The following XPR1 variants were observed in gnomAD, a reference collection of about 807,000 sequenced individuals.
XPR1 encodes solute carrier family 53 member 1.
XPR1 carries 28 observed loss-of-function variants against 87.5 expected under a neutral mutation model. That is an observed-to-expected ratio of 0.32 (90% CI 0.24 to 0.44). The LOEUF (loss-of-function observed/expected upper bound fraction) is 0.44. Among genes scored for constraint, XPR1 ranks in the 20% least tolerant of loss-of-function variants. The pLI, the probability that XPR1 is intolerant of heterozygous loss-of-function variation, is 1.00. For synonymous variants in XPR1, 300 were observed against 306.1 expected (o/e 0.98, Z 0.21); for missense variants, 559 against 862.3 (o/e 0.65, Z 4.41).
At chr1:180,774,438 T>A (rs1296669787) in intron 2 of XPR1, among the ~76,000 whole-genome samples, 1 of 141,908 alleles carries the variant, frequency 7.0e-6, no homozygotes, top group African/African-American at 2.7e-5. Context: ...TCGCCCAGGC[T>A]GGAGTGCAGT....
intron 13 of XPR1, among the ~76,000 whole-genome samples, chr1:180,877,186 G>A (rs1177898046): frequency 1.3e-5 from 2 of 152,104 alleles, no homozygotes; most frequent in African/African-American, 4.8e-5. Context: ...AGCCAGTTCT[G>A]TAATTTATAT....
rs76188280 is a variant in XPR1, at chr1:180,677,778, G to A, written c.70-4582G>A. Reference sequence around the variant, plus strand: ...GTTTCAAAGTTGCACTATAAACTACGTTCCTCCCAAAGTGGCACTATAAAC... The same window carrying A: ...GTTTCAAAGTTGCACTATAAACTACATTCCTCCCAAAGTGGCACTATAAAC... On this transcript the variant is annotated intron_variant, in intron 1 of 14. Coordinates refer to ENST00000367590, the MANE Select transcript of XPR1 (RefSeq NM_004736.4). Among the ~76,000 whole-genome samples, 1,400 of 152,238 alleles carry A rather than the reference G, an allele frequency of 9.2e-3. 47 individuals are homozygous for A. The highest frequency in any genetic ancestry group is 0.085 in the East Asian group (441 of 5,180).
chr1:180,737,111 A>G (rs569460550), intron 2 of XPR1, among the ~76,000 whole-genome samples: 5 of 152,228 alleles, frequency 3.3e-5, no homozygotes, highest in East Asian at 1.9e-4. Flanking sequence ...AGAGTTATGT[A>G]TGTTATAGGC....
chr1:180,847,398 A>G (rs186226483), intron 11 of XPR1, among the ~76,000 whole-genome samples: 172 of 152,308 alleles, frequency 1.1e-3, no homozygotes, highest in Non-Finnish European at 2.0e-3. Flanking sequence ...TAAAAGCACC[A>G]TCTTAGTGAA....
chr1:180,648,368 T>C (rs775653949), intron 1 of XPR1, among the ~76,000 whole-genome samples: 12 of 152,216 alleles, frequency 7.9e-5, no homozygotes, highest in Middle Eastern at 3.2e-3. Flanking sequence ...AAATGTAGGA[T>C]AGTGTTTTTC....
chr1:180,744,306 A>G (rs985438395), intron 2 of XPR1, among the ~76,000 whole-genome samples: 6 of 151,548 alleles, frequency 4.0e-5, no homozygotes, highest in African/African-American at 1.5e-4. Flanking sequence ...TTCAGTTCTA[A>G]CTTTTTTATT....
intron 1 of XPR1, among the ~76,000 whole-genome samples, chr1:180,655,977 CTT>C (rs929616669): frequency 9.2e-5 from 14 of 151,912 alleles, no homozygotes; most frequent in Non-Finnish European, 1.8e-4. Context: ...ATTATCCTCT[CTT>C]AGTTATTTTA....
At chr1:180,708,690 T>A (rs1657639239) in intron 2 of XPR1, among the ~76,000 whole-genome samples, 1 of 152,096 alleles carries the variant, frequency 6.6e-6, no homozygotes, top group Non-Finnish European at 1.5e-5. Context: ...TCCTTAAATA[T>A]TTTTTGAATG....
intron 9 of XPR1, among the ~76,000 whole-genome samples, chr1:180,831,784 T>G (rs1194689159): frequency 6.6e-6 from 1 of 152,184 alleles, no homozygotes; most frequent in East Asian, 1.9e-4. Flanking sequence ...ATTTTCTTTA[T>G]CCAGTCTATC....
chr1:180,645,849 C>T (rs1194879073), intron 1 of XPR1, among the ~76,000 whole-genome samples: 5 of 152,140 alleles, frequency 3.3e-5, no homozygotes, highest in East Asian at 1.9e-4. Context: ...CTCTTTGACC[C>T]GAGCAGTGAA....
intron 11 of XPR1, among the ~76,000 whole-genome samples, chr1:180,853,280 A>G (rs576012224): frequency 5.6e-4 from 85 of 152,238 alleles, no homozygotes; most frequent in African/African-American, 2.0e-3. Context: ...TGTTCAGGTT[A>G]GGAAATTTCT....
intron 2 of XPR1, among the ~76,000 whole-genome samples, chr1:180,756,201 G>A (rs191664370): frequency 2.0e-5 from 3 of 152,314 alleles, no homozygotes; most frequent in African/African-American, 7.2e-5. Context: ...AACCTGAATT[G>A]AGGCGCATTT....
chr1:180,680,342 A>G (rs1419231519), intron 1 of XPR1, among the ~76,000 whole-genome samples: 1 of 151,112 alleles, frequency 6.6e-6, no homozygotes, highest in Admixed American at 6.6e-5. Context: ...TTCCTCAAAT[A>G]ACTACAAATA....
At chr1:180,853,791 G>GTTTTTTTTTTTTTTTTTTTTTTT (rs374408714) in intron 11 of XPR1, among the ~76,000 whole-genome samples, 2 of 109,442 alleles carry the variant, frequency 1.8e-5, no homozygotes, top group African/African-American at 3.5e-5. Context: ...CATTCATGTG[G>GTTTTTTTTTTTTTTTTTTTTTTT]TTTTTTTTTT....
At position 180,884,072 on chromosome 1, in the gene XPR1, C is replaced by T; in HGVS notation, c.*6C>T. 6.2e-7 allele frequency: 1 copy of T among 1,613,730 alleles called. No homozygotes were observed. Among genetic ancestry groups the T allele is most frequent in the Non-Finnish European group, 8.5e-7 (1 of 1,179,770 alleles). On this transcript the variant is annotated 3_prime_UTR_variant, in exon 15 of 15. Transcript: ENST00000367590. Reference sequence around the variant, plus strand: ...ATGATGAAGCTAACACTTGAATTTTCTGAAGTCTAGCTTAACATCTTTGGT... The same window carrying T: ...ATGATGAAGCTAACACTTGAATTTTTTGAAGTCTAGCTTAACATCTTTGGT...
chr1:180,828,838 C>T (rs1445760736), intron 9 of XPR1, among the ~76,000 whole-genome samples: 1 of 152,078 alleles, frequency 6.6e-6, no homozygotes, highest in African/African-American at 2.4e-5. Context: ...TAACACTTAG[C>T]CCTATTAGTC....
At chr1:180,820,137 A>G (rs563289462) in intron 7 of XPR1, among the ~76,000 whole-genome samples, 2 of 152,112 alleles carry the variant, frequency 1.3e-5, no homozygotes, top group Admixed American at 1.3e-4. Context: ...TTTTTAATTG[A>G]GGTGAAGTTC....
chr1:180,704,661 G>A (rs1461378123), intron 2 of XPR1, among the ~76,000 whole-genome samples: 1 of 151,540 alleles, frequency 6.6e-6, no homozygotes, highest in East Asian at 1.9e-4. Context: ...GCCAGTGGGA[G>A]CCTATTCAGT....
chr1:180,775,990 T>C (rs763058277), intron 2 of XPR1, among the ~76,000 whole-genome samples: 2 of 152,194 alleles, frequency 1.3e-5, no homozygotes, highest in African/African-American at 2.4e-5. Context: ...GAAAGGCTTG[T>C]CTCTTACGCA....
Sources: allele counts gnomAD v4.1 joint callset (sites outside exome capture counted in the v4.1 genomes callset), GRCh38; gene constraint gnomAD v4.1.1; transcripts MANE v1.5; gene names NCBI Gene and HGNC (gene_info 2026-07-23, HGNC 2026-07-21).